TSPAN5: variants seen among roughly 807,000 people sequenced by gnomAD.
TSPAN5 encodes the protein tetraspanin 5, also known as tetraspanin-5.
A neutral mutation model predicts 37.1 loss-of-function variants in TSPAN5; 10 were observed. The observed-to-expected ratio is 0.27, with a 90% CI of 0.17 to 0.46. The LOEUF (loss-of-function observed/expected upper bound fraction) is 0.46, where lower values mean the gene tolerates loss of function less well. Among genes scored for constraint, TSPAN5 ranks in the 20% least tolerant of loss-of-function variants. The pLI, the probability that TSPAN5 is intolerant of heterozygous loss-of-function variation, is 1.00. For missense variants in TSPAN5, 195 were observed against 326.6 expected, an observed-to-expected ratio of 0.60 and a Z score of 3.11; for synonymous variants, 110 against 118.9, an observed-to-expected ratio of 0.93 and a Z score of 0.48.
At chr4:98,622,511 G>A (rs970547539) in intron 1 of TSPAN5, among the ~76,000 whole-genome samples, 6 of 152,158 alleles carry the variant, frequency 3.9e-5, no homozygotes, top group African/African-American at 7.2e-5. Flanking sequence ...CAGTGGTTGC[G>A]CCATTTTCAT....
chr4:98,624,426 A>G (rs1237504356), intron 1 of TSPAN5, among the ~76,000 whole-genome samples: 1 of 152,162 alleles, frequency 6.6e-6, no homozygotes, highest in Admixed American at 6.5e-5. Context: ...GGTTTCCCAG[A>G]GGAAAAAAAA....
At chr4:98,618,074 G>A (rs569979432) in intron 1 of TSPAN5, among the ~76,000 whole-genome samples, 16 of 152,294 alleles carry the variant, frequency 1.1e-4, no homozygotes, top group African/African-American at 3.6e-4. Context: ...GACCCTGTCC[G>A]GAAAGGGAAG....
chr4:98,514,789 G>T (rs191747197), intron 1 of TSPAN5, among the ~76,000 whole-genome samples: 1 of 152,306 alleles, frequency 6.6e-6, no homozygotes, highest in Non-Finnish European at 1.5e-5. Context: ...AGGTCATCTA[G>T]GGGCTTTGGA....
At chr4:98,531,876 G>C (rs968030982) in intron 1 of TSPAN5, among the ~76,000 whole-genome samples, 7 of 152,140 alleles carry the variant, frequency 4.6e-5, no homozygotes, top group African/African-American at 1.7e-4. Context: ...AGAAGTGTCT[G>C]TTCATATCCT....
chr4:98,651,629 A>T (rs1292780093), intron 1 of TSPAN5, among the ~76,000 whole-genome samples: 1 of 152,210 alleles, frequency 6.6e-6, no homozygotes, highest in Non-Finnish European at 1.5e-5. Context: ...CTATTGGTTT[A>T]ATGTTTCCAA....
chr4:98,482,026 G>A lies in TSPAN5; in HGVS notation c.429C>T (p.Leu143=), dbSNP rs779309540. Residue 143 remains leucine (L), a synonymous_variant, in exon 4 of 8, where the codon CTC becomes CTT. Coordinates refer to ENST00000305798, the MANE Select transcript of TSPAN5 (RefSeq NM_005723.4). ...AYRDDIDLQN[L]IDFTQEYWQC... ...TTACATATTCCTGGGTGAAGTCTAT[G>A]AGGTTTTGCAAATCAATGTCATCCC... is the stretch of plus-strand genomic sequence containing the variant. The A allele has an allele frequency of 1.2e-6, 2 of 1,614,040 alleles. No homozygotes were observed. Among genetic ancestry groups the A allele is most frequent in the South Asian group, 2.2e-5 (2 of 91,040 alleles).
chr4:98,617,466 G>C (rs1018788864), intron 1 of TSPAN5, among the ~76,000 whole-genome samples: 2 of 152,134 alleles, frequency 1.3e-5, no homozygotes, highest in African/African-American at 4.8e-5. Flanking sequence ...CTAGTCTTTG[G>C]AGGCTAATGT....
intron 1 of TSPAN5, among the ~76,000 whole-genome samples, chr4:98,627,881 A>G (rs1460347749): frequency 2.0e-5 from 3 of 152,316 alleles, no homozygotes; most frequent in East Asian, 3.9e-4. Context: ...AACAAGAGGG[A>G]AAAAAACAAC....
intron 1 of TSPAN5, among the ~76,000 whole-genome samples, chr4:98,617,879 T>G (rs1380397722): frequency 1.3e-5 from 2 of 152,240 alleles, no homozygotes; most frequent in African/African-American, 2.4e-5. Context: ...GTTCAAGGTC[T>G]GGCCCATCAT....
At chr4:98,657,262 CA>C (rs768462958) in intron 1 of TSPAN5, among the ~76,000 whole-genome samples, 1 of 152,046 alleles carries the variant, frequency 6.6e-6, no homozygotes, top group African/African-American at 2.4e-5. Flanking sequence ...AATAGGTTCC[CA>C]ACACATTGCA....
At chr4:98,486,266 T>A (rs1246078578) in intron 3 of TSPAN5, among the ~76,000 whole-genome samples, 1 of 152,146 alleles carries the variant, frequency 6.6e-6, no homozygotes, top group Non-Finnish European at 1.5e-5. Context: ...ACAAAGAAGC[T>A]TTACCTTTTA....
chr4:98,477,235 G>A (rs1752723017), intron 5 of TSPAN5, among the ~76,000 whole-genome samples: 1 of 152,244 alleles, frequency 6.6e-6, no homozygotes, highest in African/African-American at 2.4e-5. Context: ...AGCCCCTCAA[G>A]CTCTGAGTGG....
At chr4:98,473,475 C>G (rs1470828474) in intron 7 of TSPAN5, among the ~76,000 whole-genome samples, 1 of 137,810 alleles carries the variant, frequency 7.3e-6, no homozygotes, top group Admixed American at 7.8e-5. Flanking sequence ...TTTTTTGAGA[C>G]GGAGTCTCGC....
At chr4:98,493,957 C>T (rs940822723) in intron 2 of TSPAN5, among the ~76,000 whole-genome samples, 14 of 152,160 alleles carry the variant, frequency 9.2e-5, no homozygotes, top group African/African-American at 3.4e-4. Flanking sequence ...CCACTTGAAG[C>T]CTTTAAGAGA....
chr4:98,487,453 G>C (rs75183002), intron 2 of TSPAN5, among the ~76,000 whole-genome samples: 1,813 of 152,278 alleles, frequency 0.012, 14 homozygotes, highest in South Asian at 0.022. Flanking sequence ...AATTCACGCA[G>C]AAGTTAGACA....
intron 1 of TSPAN5, among the ~76,000 whole-genome samples, chr4:98,653,360 G>A (rs1180544711): frequency 6.6e-6 from 1 of 151,834 alleles, no homozygotes; most frequent in African/African-American, 2.4e-5. Flanking sequence ...GGATAAACTT[G>A]CACTTAAAGA....
chr4:98,507,788 A>G, intron 1 of TSPAN5, 60 bp from the exon 2 acceptor site: 1 of 1,262,204 alleles, frequency 7.9e-7, no homozygotes, highest in Non-Finnish European at 1.1e-6. Flanking sequence ...TAAAGAAGAA[A>G]CTTTTCAATC....
At chr4:98,536,877 A>C (rs10030622) in intron 1 of TSPAN5, among the ~76,000 whole-genome samples, 10,221 of 152,226 alleles carry the variant, frequency 0.067, 834 homozygotes, top group African/African-American at 0.18. Flanking sequence ...TGGAGCTCAG[A>C]CTGCTGCCGT....
intron 2 of TSPAN5, among the ~76,000 whole-genome samples, chr4:98,492,067 T>A (rs1753097875): frequency 6.6e-6 from 1 of 152,096 alleles, no homozygotes; most frequent in South Asian, 2.1e-4. Flanking sequence ...CAGCACCACC[T>A]CCTCCTTGTA....
Sources: allele counts gnomAD v4.1 joint callset (sites outside exome capture counted in the v4.1 genomes callset), GRCh38; gene constraint gnomAD v4.1.1; transcripts MANE v1.5; gene names NCBI Gene and HGNC (gene_info 2026-07-23, HGNC 2026-07-21).